PNLDC1: variants seen among roughly 807,000 people sequenced by gnomAD.
PNLDC1 encodes the protein poly(A)-specific ribonuclease PNLDC1.
In PNLDC1, 70 loss-of-function variants were observed where a neutral mutation model predicts 82.0. That is an observed-to-expected ratio of 0.85 (90% CI 0.70 to 1.04). The LOEUF (loss-of-function observed/expected upper bound fraction) is 1.04, where lower values mean the gene tolerates loss of function less well. PNLDC1 is among the 50% of genes least tolerant of loss of function. The pLI is 0.00. For missense variants in PNLDC1, 631 were observed against 661.1 expected (o/e 0.95, Z 0.50); for synonymous variants, 280 against 249.3 (o/e 1.12, Z -1.16).
intron 18 of PNLDC1, 145 bp from the exon 19 acceptor site, chr6:159,820,309 A>C: frequency 2.7e-6 from 2 of 753,880 alleles, no homozygotes; most frequent in Non-Finnish European, 4.4e-6. Context: ...CTCGAGAGGC[A>C]GAAGTTCAGT....
rs186946207 is a variant in PNLDC1, at chr6:159,805,903, A to G, written c.462-80A>G. On this transcript the variant is annotated intron_variant, in intron 6 of 18. Transcript: ENST00000392167. ...CAACATGAAAACCAGAGGGTTCAGA[A>G]ACTGCTCTCATGTTAACATAGTCTT... The G allele has an allele frequency of 6.5e-5, 67 of 1,024,694 alleles. No individual in the cohort carries two copies. In the Admixed American group the frequency reaches 9.9e-4, roughly 15 times the overall value. 63.5% of individuals were successfully genotyped at this position (1,024,694 alleles called of 1,614,324 possible).
At chr6:159,811,880 GTTTT>G in intron 11 of PNLDC1, 94 bp downstream of exon 11, 1 of 919,314 alleles carries the variant, frequency 1.1e-6, no homozygotes, top group South Asian at 1.6e-5. Flanking sequence ...GTGTTTTTTT[GTTTT>G]TTTTGTTTTG....
chr6:159,810,693 A>G (rs1450276158), intron 10 of PNLDC1, among the ~76,000 whole-genome samples: 1 of 152,164 alleles, frequency 6.6e-6, no homozygotes, highest in African/African-American at 2.4e-5. Context: ...GCGAGTTGAC[A>G]TTACCTTAAT....
chr6:159,820,327 T>C (rs1781996831), intron 18 of PNLDC1, 127 bp from the exon 19 acceptor site: 2 of 874,694 alleles, frequency 2.3e-6, no homozygotes, highest in Non-Finnish European at 3.7e-6. Context: ...AGTGTTGTCG[T>C]CGGGAGAGTG....
At position 159,820,541 on chromosome 6, in the gene PNLDC1, A is replaced by C; in HGVS notation, c.*24A>C. ...GAGTGCAGCGAGGCCTCCTGCGGCCACCCTCGGGTCCCCATGCTCTCTGGG... is the reference window on the plus strand; with the variant it reads ...GAGTGCAGCGAGGCCTCCTGCGGCCCCCCTCGGGTCCCCATGCTCTCTGGG... On this transcript the variant is annotated 3_prime_UTR_variant, in exon 19 of 19. Transcript: ENST00000392167. 6.2e-7 allele frequency: 1 copy of C among 1,611,246 alleles called. No homozygotes were observed. Among genetic ancestry groups the C allele is most frequent in the Non-Finnish European group, 8.5e-7 (1 of 1,177,706 alleles).
At chr6:159,813,681 A>C in intron 12 of PNLDC1, 25 bp downstream of exon 12, 2 of 1,610,408 alleles carry the variant, frequency 1.2e-6, no homozygotes, top group Non-Finnish European at 1.7e-6. Flanking sequence ...TCCTGGAGCT[A>C]CTGCTGGAGC....
At chr6:159,805,114 C>CT (rs1354748361) in intron 6 of PNLDC1, among the ~76,000 whole-genome samples, 1 of 152,226 alleles carries the variant, frequency 6.6e-6, no homozygotes, top group Non-Finnish European at 1.5e-5. Flanking sequence ...GTCTGCCCTG[C>CT]TGTGCCTGAC....
In PNLDC1 at chr6:159,818,534, TG is replaced by T; in HGVS notation, c.1158-17del. The T allele has an allele frequency of 1.2e-6, 2 of 1,607,186 alleles. No homozygotes were observed. The highest frequency in any genetic ancestry group is 1.7e-6 in the Non-Finnish European group (2 of 1,174,488). On this transcript the variant is annotated intron_variant, in intron 15 of 18. Transcript: ENST00000392167. ...TGAACTTCTGTGCGCCCGACAGCTT[TG>T]GGGTTTTCTGTCCTTGCAGCATCGA...
chr6:159,815,480 C>T (rs950859217), intron 12 of PNLDC1, among the ~76,000 whole-genome samples: 5 of 152,230 alleles, frequency 3.3e-5, no homozygotes, highest in Non-Finnish European at 7.3e-5. Context: ...TCCTCCTTTT[C>T]CTCACTGTCT....
In PNLDC1 at chr6:159,818,968, C is replaced by G; in HGVS notation, c.1280C>G (p.Pro427Arg). 6.2e-7 allele frequency: 1 copy of G among 1,613,892 alleles called. No homozygotes were observed. The highest frequency in any genetic ancestry group is 8.5e-7 in the Non-Finnish European group (1 of 1,179,970). The change falls in exon 17 of 19, where the codon CCC (proline) becomes CGC (arginine). Residue 427 changes from proline (P) to arginine (R), a missense_variant. By Grantham distance (103) the Pro-to-Arg change is moderately radical. Coordinates refer to ENST00000392167, the MANE Select transcript of PNLDC1 (RefSeq NM_001271862.2). ...PKINFSGPDY[P>R]SIRPPILILS... ...TAGAATTTTTCTGGTCCAGATTATC[C>G]CAGTATCCGACCTCCCATCCTCATC...
Position 159,803,292 on chromosome 6 carries a change from T to C in PNLDC1, c.230T>C (p.Ile77Thr), listed in dbSNP as rs766677131. 23 of 1,614,000 alleles carry C rather than the reference T, an allele frequency of 1.4e-5. No individual in the cohort carries two copies. The highest frequency in any genetic ancestry group is 7.7e-5 in the South Asian group (7 of 91,080). The change falls in exon 4 of 19, where the codon ATT (isoleucine) becomes ACT (threonine). Residue 77 changes from isoleucine (I) to threonine (T), a missense_variant. Transcript: ENST00000392167. ...CCAGGATTGTCTGTGTTTTCCGCTA[T>C]TGAAGGAGAGGCAAACAAGTATGTA... ...CQIGLSVFSAIEGEANKYIAH... is the reference protein window; with the variant it reads ...CQIGLSVFSATEGEANKYIAH...
At chr6:159,803,460 C>T in intron 4 of PNLDC1, 150 bp downstream of exon 4, 1 of 669,598 alleles carries the variant, frequency 1.5e-6, no homozygotes, top group Non-Finnish European at 2.6e-6. Context: ...ACTCTGCCCT[C>T]TGCGGATTCC....
At chr6:159,803,845 C>A in intron 4 of PNLDC1, 120 bp from the exon 5 acceptor site, 1 of 1,114,712 alleles carries the variant, frequency 9.0e-7, no homozygotes, top group Non-Finnish European at 1.3e-6. Context: ...ACACAGCAGA[C>A]ACTCGGGCAC....
At chr6:159,818,410 G>A (rs2115062270) in intron 15 of PNLDC1, 145 bp from the exon 16 acceptor site, 3 of 696,986 alleles carry the variant, frequency 4.3e-6, no homozygotes, top group Admixed American at 4.6e-5. Flanking sequence ...CACCCAACCA[G>A]AGCCCCAAGA....
At chr6:159,811,860 T>A in intron 11 of PNLDC1, 74 bp downstream of exon 11, 1 of 1,165,310 alleles carries the variant, frequency 8.6e-7, no homozygotes, top group Non-Finnish European at 1.2e-6. Flanking sequence ...TCTTGTGGGG[T>A]TTTTTTCTTG....
chr6:159,800,668 C>G (rs1781210070), intron 1 of PNLDC1, 104 bp from the exon 2 acceptor site: 16 of 1,612,758 alleles, frequency 9.9e-6, no homozygotes, highest in African/African-American at 1.3e-5. Context: ...GCTTCTTGAG[C>G]GCAGAGGTGA....
intron 12 of PNLDC1, among the ~76,000 whole-genome samples, chr6:159,814,623 G>C (rs1182776093): frequency 6.6e-6 from 1 of 152,138 alleles, no homozygotes; most frequent in Admixed American, 6.5e-5. Context: ...GATACTGAGG[G>C]CTGTGTGTGC....
intron 10 of PNLDC1, 65 bp from the exon 11 acceptor site, chr6:159,811,636 A>G: frequency 7.6e-7 from 1 of 1,322,986 alleles, no homozygotes; most frequent in Non-Finnish European, 1.1e-6. Flanking sequence ...TAGGTTCAAG[A>G]ATGTTCCTTC....
chr6:159,802,889 CT>C (rs201440513), intron 3 of PNLDC1, among the ~76,000 whole-genome samples: 443 of 144,674 alleles, frequency 3.1e-3, no homozygotes, highest in Admixed American at 3.0e-3. Context: ...GGCCTGAAGT[CT>C]TTTTTTTTTT....
Sources: gnomAD v4.1 joint callset for allele counts (sites outside exome capture counted in the v4.1 genomes callset) on GRCh38, gnomAD v4.1.1 for gene constraint, MANE v1.5 for transcripts, NCBI Gene and HGNC (gene_info 2026-07-23, HGNC 2026-07-21) for gene names.